TYRP1: variants seen among roughly 807,000 people sequenced by gnomAD.
TYRP1 encodes the protein tyrosinase related protein 1.
TYRP1 carries 49 observed loss-of-function variants against 42.8 expected under a neutral mutation model. The ratio of observed to expected loss-of-function variants is 1.14; its 90% confidence interval spans 0.91 to 1.45. TYRP1 has a LOEUF of 1.45. Ranked by LOEUF, TYRP1 falls within the 40% of genes most tolerant of loss-of-function variation. The pLI is 0.00. For synonymous variants in TYRP1, 279 were observed against 235.4 expected (o/e 1.19, Z -1.69); for missense variants, 848 against 662.0 (o/e 1.28, Z -3.08).
chr9:12,701,989 GC>G (rs2118246889), intron 4 of TYRP1, among the ~76,000 whole-genome samples: 1 of 152,082 alleles, frequency 6.6e-6, no homozygotes, highest in South Asian at 2.1e-4. Flanking sequence ...TGTGGAAGAA[GC>G]ATATATTGAT....
intron 7 of TYRP1, 122 bp downstream of exon 7, chr9:12,708,265 T>G (rs1412577019): frequency 1.6e-6 from 2 of 1,229,692 alleles, no homozygotes; most frequent in Non-Finnish European, 2.3e-6. Context: ...AACTTTCATT[T>G]GTACTTTTAT....
At chr9:12,707,168 C>T (rs1349749610) in intron 6 of TYRP1, among the ~76,000 whole-genome samples, 1 of 151,870 alleles carries the variant, frequency 6.6e-6, no homozygotes, top group Non-Finnish European at 1.5e-5. Context: ...TATAGCAGCC[C>T]AGAAGTTCAG....
intron 4 of TYRP1, among the ~76,000 whole-genome samples, chr9:12,701,057 GC>G (rs1818159989): frequency 6.6e-6 from 1 of 151,928 alleles, no homozygotes; most frequent in African/African-American, 2.4e-5. Context: ...GGATTGTTTT[GC>G]TTGTCCCTTT....
At chr9:12,701,346 A>G (rs1396143011) in intron 4 of TYRP1, among the ~76,000 whole-genome samples, 2 of 151,856 alleles carry the variant, frequency 1.3e-5, no homozygotes, top group Admixed American at 6.6e-5. Context: ...TTTTACAGCT[A>G]ACATGATCTT....
chr9:12,698,781 C>T, intron 4 of TYRP1, 126 bp downstream of exon 4: 1 of 915,248 alleles, frequency 1.1e-6, no homozygotes, highest in Non-Finnish European at 1.7e-6. Context: ...TATAGAGTAA[C>T]AGTGTACCAG....
At chr9:12,695,927 C>G (rs1388514840) in intron 3 of TYRP1, 90 bp downstream of exon 3, 2 of 1,435,100 alleles carry the variant, frequency 1.4e-6, no homozygotes, top group African/African-American at 1.4e-5. Context: ...TCAGAATCAT[C>G]AGAACATTTG....
chr9:12,698,468 T>G lies in TYRP1; in HGVS notation c.726T>G (p.Pro242=). The change falls in exon 4 of 8, where the codon CCT becomes CCG. Residue 242 remains proline, a synonymous_variant. Coordinates refer to ENST00000388918, the MANE Select transcript of TYRP1 (RefSeq NM_000550.3). ...EKDMQEMLQE[P]SFSLPYWNFA... The stretch of plus-strand genomic sequence containing the variant: ...TGATCTAGGAAATGTTGCAAGAGCC[T>G]TCTTTCTCCCTTCCTTACTGGAATT... The G allele has an allele frequency of 6.2e-7, 1 of 1,613,696 alleles. No homozygotes were observed. The highest frequency in any genetic ancestry group is 1.1e-5 in the South Asian group (1 of 91,078).
chr9:12,694,108 A>C lies in TYRP1; in HGVS notation c.112A>C (p.Ser38Arg). Reference protein sequence around the residue: ...RQCATVEALRSGMCCPDLSPV... With the variant: ...RQCATVEALRRGMCCPDLSPV... ...GTGTGCCACTGTTGAGGCTTTGAGA[A>C]GTGGTATGTGTTGCCCAGACCTGTC... The change falls in exon 2 of 8, where the codon AGT becomes CGT. Residue 38 changes from serine to arginine, a missense_variant. Ser to Arg is a moderately radical substitution (Grantham distance 110). Transcript: ENST00000388918. 6.2e-7 allele frequency: 1 copy of C among 1,614,010 alleles called. No homozygotes were observed. The highest frequency in any genetic ancestry group is 1.3e-5 in the African/African-American group (1 of 74,994).
intron 4 of TYRP1, chr9:12,700,530 C>T (rs1818150008): frequency 6.6e-6 from 1 of 151,948 alleles, no homozygotes; most frequent in Non-Finnish European, 1.5e-5. Flanking sequence ...GGGCAACTTT[C>T]CATTTATTTT....
chr9:12,699,170 G>A (rs981712410), intron 4 of TYRP1, among the ~76,000 whole-genome samples: 1 of 152,100 alleles, frequency 6.6e-6, no homozygotes, highest in African/African-American at 2.4e-5. Context: ...TTGTACTGAT[G>A]TCTGCCCCCT....
intron 3 of TYRP1, among the ~76,000 whole-genome samples, chr9:12,697,780 A>T (rs1212478212): frequency 2.0e-5 from 3 of 152,186 alleles, no homozygotes; most frequent in Admixed American, 2.0e-4. Context: ...GATCTAAAAA[A>T]CAATGGGCAG....
At chr9:12,703,369 T>A (rs1818204605) in intron 5 of TYRP1, among the ~76,000 whole-genome samples, 1 of 151,912 alleles carries the variant, frequency 6.6e-6, no homozygotes. Flanking sequence ...ATTAACCTAT[T>A]TTTGATCATT....
At chr9:12,696,471 A>G (rs1311506007) in intron 3 of TYRP1, among the ~76,000 whole-genome samples, 1 of 152,156 alleles carries the variant, frequency 6.6e-6, no homozygotes, top group Non-Finnish European at 1.5e-5. Flanking sequence ...TCACTTTACT[A>G]TGTATATTTA....
intron 6 of TYRP1, 167 bp from the exon 7 acceptor site, chr9:12,707,830 G>A: frequency 1.6e-6 from 1 of 642,102 alleles, no homozygotes; most frequent in Non-Finnish European, 2.6e-6. Context: ...TCTGTTTTAT[G>A]TAATTTCTCA....
chr9:12,701,948 T>G (rs1818175699), intron 4 of TYRP1: 1 of 242,950 alleles, frequency 4.1e-6, no homozygotes, highest in Non-Finnish European at 8.0e-6. Context: ...AAAATTCAAT[T>G]TTCCATGGAA....
chr9:12,695,761 T>C lies in TYRP1; in HGVS notation c.632T>C (p.Val211Ala). 1 of 1,614,158 alleles carries C rather than the reference T, an allele frequency of 6.2e-7. No homozygotes were observed. Among genetic ancestry groups the C allele is most frequent in the Non-Finnish European group, 8.5e-7 (1 of 1,180,026 alleles). The change falls in exon 3 of 8, where the codon GTG becomes GCG. Residue 211 changes from valine (V) to alanine (A), a missense_variant. Val to Ala is a moderately conservative substitution (Grantham distance 64, BLOSUM62 0). Transcript: ENST00000388918. ...LGVGQESFGE[V>A]DFSHEGPAFL... The stretch of plus-strand genomic sequence containing the variant: ...GTAGGACAGGAAAGCTTTGGTGAAG[T>C]GGATTTCTCTCATGAGGGACCAGCT...
rs771220138 is a variant in TYRP1 at position 12,708,064 on chromosome 9, C to T, written c.1329C>T (p.Phe443=). 6.2e-7 allele frequency: 1 copy of T among 1,612,756 alleles called. No individual in the cohort carries two copies. The highest frequency in any genetic ancestry group is 8.5e-7 in the Non-Finnish European group (1 of 1,179,254). Residue 443 remains phenylalanine (F), a synonymous_variant, in exon 7 of 8, where the codon TTC becomes TTT. Coordinates refer to ENST00000388918, the MANE Select transcript of TYRP1 (RefSeq NM_000550.3). The part of the protein sequence containing the change: ...GHNRQYNMVP[F]WPPVTNTEMF... ...ATAGACAATACAACATGGTGCCATT[C>T]TGGCCCCCAGTCACCAACACAGAAA...
chr9:12,695,531 G>T lies in TYRP1; in HGVS notation c.402G>T (p.Leu134=). 6.2e-7 allele frequency: 1 copy of T among 1,614,042 alleles called. No individual in the cohort carries two copies. Among genetic ancestry groups the T allele is most frequent in the Non-Finnish European group, 8.5e-7 (1 of 1,179,980 alleles). The change falls in exon 3 of 8, where the codon CTG becomes CTT. Residue 134 remains leucine (L), a synonymous_variant. Coordinates refer to ENST00000388918, the MANE Select transcript of TYRP1 (RefSeq NM_000550.3). ...QRVLIVRRNL[L]DLSKEEKNHF... is the part of the protein sequence containing the mutation. ...TCCCTAAAGTCAGGAGAAATCTTCTGGACTTAAGTAAAGAAGAAAAGAACC... is the reference window on the plus strand; with the variant it reads ...TCCCTAAAGTCAGGAGAAATCTTCTTGACTTAAGTAAAGAAGAAAAGAACC...
chr9:12,707,546 A>G (rs926552060), intron 6 of TYRP1: 7 of 169,844 alleles, frequency 4.1e-5, no homozygotes, highest in Non-Finnish European at 7.5e-5. Flanking sequence ...CAGGGAGCCA[A>G]CTGTGGCTGG....
Sources: gnomAD v4.1 joint callset for allele counts (sites outside exome capture counted in the v4.1 genomes callset) on GRCh38, gnomAD v4.1.1 for gene constraint, MANE v1.5 for transcripts, NCBI Gene and HGNC (gene_info 2026-07-23, HGNC 2026-07-21) for gene names.